CCDC33: variants seen among roughly 807,000 people sequenced by gnomAD.
CCDC33 encodes coiled-coil domain containing 33, also known as coiled-coil domain-containing protein 33.
CCDC33 carries 94 observed loss-of-function variants against 91.9 expected under a neutral mutation model. That is an observed-to-expected ratio of 1.02 (90% CI 0.87 to 1.21). The LOEUF (loss-of-function observed/expected upper bound fraction) is 1.21. Ranked by LOEUF, CCDC33 falls within the 50% of genes most tolerant of loss-of-function variation. The pLI, the probability that CCDC33 is intolerant of heterozygous loss-of-function variation, is 0.00. For missense variants in CCDC33, 940 were observed against 935.5 expected (o/e 1.00, Z -0.06); for synonymous variants, 396 against 374.5 (o/e 1.06, Z -0.66).
At chr15:74,239,761 G>A (rs1207703373) in intron 1 of CCDC33, among the ~76,000 whole-genome samples, 1 of 152,216 alleles carries the variant, frequency 6.6e-6, no homozygotes, top group Non-Finnish European at 1.5e-5. Context: ...CCAGCCAAGA[G>A]GAGGCATGAA....
Position 74,280,032 on chromosome 15 carries a change from G to T in CCDC33, c.829G>T (p.Gly277Ter), listed in dbSNP as rs199609536. The change falls in exon 8 of 19, where the codon GGA becomes TGA. Residue 277 changes from glycine (G) to a stop codon, truncating the protein, a stop_gained. Coordinates refer to ENST00000398814, the MANE Select transcript of CCDC33 (RefSeq NM_025055.5). LOFTEE classifies it high-confidence loss of function. The part of the protein sequence containing the change: ...NQSFLFQGRD[G>*]ATSFSEDTAL... ...GTCCTTCCTCTTCCAAGGCCGAGATGGAGCTACCAGCTTCTCAGAAGACAC... is the reference window on the plus strand; with the variant it reads ...GTCCTTCCTCTTCCAAGGCCGAGATTGAGCTACCAGCTTCTCAGAAGACAC... The T allele has an allele frequency of 6.2e-7, 1 of 1,614,046 alleles. No homozygotes were observed. The highest frequency in any genetic ancestry group is 1.7e-5 in the Admixed American group (1 of 60,000).
chr15:74,214,279 C>T (rs1023224168), upstream of CCDC33, among the ~76,000 whole-genome samples: 19 of 152,022 alleles, frequency 1.2e-4, no homozygotes, highest in Non-Finnish European at 7.4e-5. Context: ...ACTGGAGGGC[C>T]CCATTAAGGT....
chr15:74,238,634 G>A (rs1363497277), intron 1 of CCDC33, among the ~76,000 whole-genome samples: 1 of 151,962 alleles, frequency 6.6e-6, no homozygotes, highest in Non-Finnish European at 1.5e-5. Context: ...ATAGAAGTTA[G>A]TATAGATTTT....
chr15:74,335,238 C>T, intron 18 of CCDC33, 150 bp downstream of exon 18: 1 of 759,816 alleles, frequency 1.3e-6, no homozygotes, highest in Non-Finnish European at 2.4e-6. Flanking sequence ...ATTCCTGCTC[C>T]ATTACCAACC....
intron 10 of CCDC33, among the ~76,000 whole-genome samples, chr15:74,286,061 C>T (rs993087027): frequency 6.6e-6 from 1 of 152,134 alleles, no homozygotes; most frequent in African/African-American, 2.4e-5. Flanking sequence ...GCCTGGCCAA[C>T]ATGGTGAAAC....
chr15:74,233,806 G>A (rs1361783557), upstream of CCDC33, among the ~76,000 whole-genome samples: 1 of 152,154 alleles, frequency 6.6e-6, no homozygotes, highest in Non-Finnish European at 1.5e-5. Context: ...GCTCAGAAAG[G>A]GTTAACATTT....
At chr15:74,273,410 G>A (rs12148120) in intron 7 of CCDC33, among the ~76,000 whole-genome samples, 11,096 of 152,250 alleles carry the variant, frequency 0.073, 541 homozygotes, top group African/African-American at 0.14. Flanking sequence ...TAACATTACC[G>A]AACTGTACAT....
intron 2 of CCDC33, among the ~76,000 whole-genome samples, chr15:74,259,750 C>T (rs766990589): frequency 6.6e-5 from 10 of 152,210 alleles, no homozygotes; most frequent in Non-Finnish European, 8.8e-5. Flanking sequence ...TGGGAGGATA[C>T]GAGGACAGTA....
At chr15:74,309,843 G>A (rs1448828593) in intron 11 of CCDC33, among the ~76,000 whole-genome samples, 3 of 152,176 alleles carry the variant, frequency 2.0e-5, no homozygotes, top group Admixed American at 2.0e-4. Flanking sequence ...TTAAGTATGA[G>A]GGGAACTTAA....
chr15:74,293,593 G>A (rs577705659), intron 10 of CCDC33, among the ~76,000 whole-genome samples: 12 of 152,192 alleles, frequency 7.9e-5, no homozygotes, highest in Admixed American at 5.9e-4. Context: ...GTGTCTTCAC[G>A]TCAGTGGGGA....
intron 11 of CCDC33, 59 bp downstream of exon 11, chr15:74,296,007 A>G: frequency 7.0e-7 from 1 of 1,437,530 alleles, no homozygotes; most frequent in Admixed American, 2.1e-5. Context: ...TGGGAAGGGG[A>G]CTTGACTGCC....
intron 11 of CCDC33, among the ~76,000 whole-genome samples, chr15:74,314,386 G>A (rs759908087): frequency 1.3e-5 from 2 of 152,224 alleles, no homozygotes; most frequent in African/African-American, 2.4e-5. Context: ...TGGCCTGGGT[G>A]GGGGAAAGGC....
At chr15:74,273,258 G>C (rs1223098967) in intron 7 of CCDC33, among the ~76,000 whole-genome samples, 1 of 152,208 alleles carries the variant, frequency 6.6e-6, no homozygotes, top group Non-Finnish European at 1.5e-5. Flanking sequence ...TCAGAATGTA[G>C]AACAGTGGCT....
At chr15:74,281,006 G>C (rs1007238876) in intron 9 of CCDC33, among the ~76,000 whole-genome samples, 1 of 152,192 alleles carries the variant, frequency 6.6e-6, no homozygotes, top group Non-Finnish European at 1.5e-5. Flanking sequence ...GGACTATGAC[G>C]AACCAAGCCA....
At chr15:74,320,566 G>A (rs1337702132) in intron 11 of CCDC33, among the ~76,000 whole-genome samples, 2 of 152,168 alleles carry the variant, frequency 1.3e-5, no homozygotes, top group Admixed American at 6.5e-5. Flanking sequence ...GGGAGCAGGT[G>A]GAAGGGAGAT....
chr15:74,264,503 G>A (rs1160142637), intron 3 of CCDC33, among the ~76,000 whole-genome samples: 1 of 152,172 alleles, frequency 6.6e-6, no homozygotes, highest in Non-Finnish European at 1.5e-5. Context: ...AGGAATAGCG[G>A]GTGGGGAAAA....
At chr15:74,266,598 C>T (rs2076172062) in intron 3 of CCDC33, 80 bp from the exon 4 acceptor site, 2 of 978,354 alleles carry the variant, frequency 2.0e-6, no homozygotes, top group East Asian at 2.4e-5. Flanking sequence ...CAATGTCTCT[C>T]ACCTCTCACT....
intron 8 of CCDC33, 107 bp downstream of exon 8, chr15:74,280,199 T>G: frequency 7.3e-7 from 1 of 1,360,994 alleles, no homozygotes; most frequent in Non-Finnish European, 1.0e-6. Context: ...GATGGATGGT[T>G]CCCAGGTGTC....
intron 11 of CCDC33, chr15:74,302,047 G>A (rs2059806106): frequency 6.6e-6 from 1 of 152,068 alleles, no homozygotes; most frequent in Admixed American, 6.5e-5. Context: ...TCCTTACACT[G>A]GAATAACTCA....
Sources: gnomAD v4.1 joint callset for allele counts (sites outside exome capture counted in the v4.1 genomes callset) on GRCh38, gnomAD v4.1.1 for gene constraint, MANE v1.5 for transcripts, NCBI Gene and HGNC (gene_info 2026-07-23, HGNC 2026-07-21) for gene names.